Variants in FAH observed in about 807,000 individuals in gnomAD.
The protein encoded by FAH is fumarylacetoacetate hydrolase.
Under a neutral mutation model 55.8 loss-of-function variants are expected in FAH, and 47 were observed. The ratio of observed to expected loss-of-function variants is 0.84; its 90% CI spans 0.67 to 1.07. The LOEUF is 1.07. FAH is among the 50% of genes least tolerant of loss of function. The probability of loss-of-function intolerance (pLI) is 0.00; values close to 1 mark genes in which losing one functional copy is unlikely to be tolerated. For synonymous variants in FAH, 199 were observed against 207.7 expected (o/e 0.96, Z 0.36); for missense variants, 495 against 545.9 (o/e 0.91, Z 0.93).
At chr15:80,170,298 C>T (rs955446028) in intron 7 of FAH, among the ~76,000 whole-genome samples, 4 of 152,224 alleles carry the variant, frequency 2.6e-5, no homozygotes, top group African/African-American at 9.6e-5. Context: ...AGTGCCTCAT[C>T]ACTGATGGTG....
chr15:80,158,178 A>AAGTCGTTTCACAATGTCC lies in FAH; in HGVS notation c.192+8_192+9insAGTCGTTTCACAATGTCC. 2 of 1,592,712 alleles carry AAGTCGTTTCACAATGTCC rather than the reference A, an allele frequency of 1.3e-6. No homozygotes were observed. Among genetic ancestry groups the AAGTCGTTTCACAATGTCC allele is most frequent in the Non-Finnish European group, 1.7e-6 (2 of 1,160,392 alleles). On this transcript the variant is annotated intron_variant, in intron 2 of 13. Coordinates refer to ENST00000561421, the MANE Select transcript of FAH (RefSeq NM_000137.4). ...CAGGATGTCTTCAATCAGGTAGGACATTGTGAAACGACTTGTCCCTGACCT... is the reference window on the plus strand; with the variant it reads ...CAGGATGTCTTCAATCAGGTAGGACAAGTCGTTTCACAATGTCCTTGTGAAACGACTTGTCCCTGACCT...
chr15:80,169,295 A>G (rs2041220751), intron 7 of FAH, among the ~76,000 whole-genome samples: 1 of 151,986 alleles, frequency 6.6e-6, no homozygotes, highest in African/African-American at 2.4e-5. Context: ...GGGCAGGAGA[A>G]TCGCTTGAAC....
At position 80,173,001 on chromosome 15, in the gene FAH, C is replaced by A; in HGVS notation, c.707-13C>A. The A allele has an allele frequency of 6.2e-7, 1 of 1,614,204 alleles. No homozygotes were observed. The highest frequency in any genetic ancestry group is 8.5e-7 in the Non-Finnish European group (1 of 1,180,036). Reference sequence around the variant, plus strand: ...CAGCCTTTGTAAGTCCTGGCTGTGCCCTTCTTCTGCAGCACGAGACATTCA... The same window carrying A: ...CAGCCTTTGTAAGTCCTGGCTGTGCACTTCTTCTGCAGCACGAGACATTCA... On this transcript the variant is annotated splice_polypyrimidine_tract_variant and intron_variant, in intron 8 of 13. Transcript: ENST00000561421.
intron 11 of FAH, among the ~76,000 whole-genome samples, chr15:80,179,607 T>C (rs2041312689): frequency 1.3e-5 from 2 of 152,112 alleles, no homozygotes; most frequent in Non-Finnish European, 2.9e-5. Flanking sequence ...CCTCGCTCCT[T>C]GGCCTGCCCT....
chr15:80,186,276 C>T lies in FAH; in HGVS notation c.*67C>T. 1 of 1,331,222 alleles carries T rather than the reference C, an allele frequency of 7.5e-7. No individual in the cohort carries two copies. The highest frequency in any genetic ancestry group is 1.1e-6 in the Non-Finnish European group (1 of 922,178). The allele number at this position is 1,331,222 out of a possible 1,614,324, so 82.5% of individuals were successfully genotyped here. ...CTTTCAACCCTGTGACTGGGGTCCT[C>T]CCTCGGGCTGTAGGCCTGGTCCGCC... is the stretch of plus-strand genomic sequence containing the variant. On this transcript the variant is annotated 3_prime_UTR_variant, in exon 14 of 14. Coordinates refer to ENST00000561421, the MANE Select transcript of FAH (RefSeq NM_000137.4).
chr15:80,168,345 G>T, intron 7 of FAH, 29 bp downstream of exon 7: 1 of 1,609,378 alleles, frequency 6.2e-7, no homozygotes, highest in South Asian at 1.1e-5. Flanking sequence ...TTATTGCCAT[G>T]GGATCTATAG....
chr15:80,152,834 G>C, upstream of FAH: 1 of 533,726 alleles, frequency 1.9e-6, no homozygotes, highest in Non-Finnish European at 3.3e-6. Context: ...GAGCTGGCGG[G>C]GGTCAGGGTA....
At chr15:80,184,049 C>G (rs2041350988) in intron 13 of FAH, among the ~76,000 whole-genome samples, 1 of 152,166 alleles carries the variant, frequency 6.6e-6, no homozygotes, top group African/African-American at 2.4e-5. Flanking sequence ...AAAATATCAA[C>G]AAAAATCTCT....
At chr15:80,162,489 C>T (rs1291898380) in intron 5 of FAH, 153 bp downstream of exon 5, 4 of 725,028 alleles carry the variant, frequency 5.5e-6, no homozygotes, top group Non-Finnish European at 9.9e-6. Flanking sequence ...GTGGTCTCAG[C>T]TTCTGGTCTC....
chr15:80,167,396 C>T (rs1022393745), intron 5 of FAH, among the ~76,000 whole-genome samples: 3 of 152,140 alleles, frequency 2.0e-5, no homozygotes, highest in African/African-American at 7.2e-5. Context: ...TACATCTTCT[C>T]TTCTCTTCTG....
rs75733859 is a variant in FAH, at chr15:80,158,041, G to A, written c.82-19G>A. On this transcript the variant is annotated intron_variant, in intron 1 of 13. Coordinates refer to ENST00000561421, the MANE Select transcript of FAH (RefSeq NM_000137.4). The stretch of plus-strand genomic sequence containing the variant: ...GCCAGGGGCTTTTTCTGGTGCTGAC[G>A]GTGTCGTCTTCCTCCTAGCCAAGAC... 2.2e-3 allele frequency: 3,511 copies of A among 1,588,158 alleles called. 49 individuals are homozygous for A. In the African/African-American group the frequency reaches 0.028, roughly 13 times the overall value.
intron 13 of FAH, among the ~76,000 whole-genome samples, chr15:80,182,921 C>T (rs1595898369): frequency 2.0e-5 from 3 of 152,228 alleles, no homozygotes; most frequent in African/African-American, 4.8e-5. Flanking sequence ...AAAATGATGG[C>T]TTTAACTCTC....
intron 2 of FAH, 147 bp from the exon 3 acceptor site, chr15:80,159,609 A>G (rs1008664748): frequency 1.0e-6 from 1 of 954,462 alleles, no homozygotes; most frequent in Non-Finnish European, 1.7e-6. Flanking sequence ...TGAATAAATG[A>G]CAAAACTAAG....
chr15:80,154,894 A>G (rs1018822522), intron 1 of FAH, among the ~76,000 whole-genome samples: 5 of 152,250 alleles, frequency 3.3e-5, no homozygotes, highest in Admixed American at 6.5e-5. Flanking sequence ...ACGGGGTTGT[A>G]GTAGTGTGGA....
intron 8 of FAH, 65 bp downstream of exon 8, chr15:80,172,313 C>G: frequency 4.9e-6 from 6 of 1,231,012 alleles, no homozygotes; most frequent in Non-Finnish European, 7.2e-6. Context: ...GGGGCAATTT[C>G]ATAGAAGCTG....
chr15:80,155,098 T>A (rs2041087167), intron 1 of FAH, among the ~76,000 whole-genome samples: 1 of 152,190 alleles, frequency 6.6e-6, no homozygotes, highest in African/African-American at 2.4e-5. Context: ...TCTATATGCT[T>A]GGCCCCTTCT....
At position 80,154,898 on chromosome 15, in the gene FAH, G is replaced by C. The variant is rs573606006; in HGVS notation, c.81+1763G>C. On this transcript the variant is annotated intron_variant, in intron 1 of 13. Transcript: ENST00000561421. Reference sequence around the variant, plus strand: ...GGCCTCTGAGAACGGGGTTGTAGTAGTGTGGAGCTGGTTTTGCCGGGTGCC... The same window carrying C: ...GGCCTCTGAGAACGGGGTTGTAGTACTGTGGAGCTGGTTTTGCCGGGTGCC... 9.7e-4 allele frequency among the ~76,000 whole-genome samples: 148 copies of C among 152,294 alleles called. 1 individual carries two copies. The highest frequency in any genetic ancestry group is 3.4e-3 in the African/African-American group (141 of 41,536).
At chr15:80,165,563 C>T (rs1436403317) in intron 5 of FAH, among the ~76,000 whole-genome samples, 5 of 149,708 alleles carry the variant, frequency 3.3e-5, no homozygotes, top group East Asian at 3.9e-4. Context: ...GGTGTGGTGG[C>T]GGGCGCCTGT....
intron 9 of FAH, among the ~76,000 whole-genome samples, chr15:80,174,092 C>G (rs2041263205): frequency 1.3e-5 from 2 of 152,260 alleles, no homozygotes; most frequent in Admixed American, 1.3e-4. Flanking sequence ...CACCCTCATC[C>G]CTTGCTCTCT....
Sources: allele counts gnomAD v4.1 joint callset (sites outside exome capture counted in the v4.1 genomes callset), GRCh38; gene constraint gnomAD v4.1.1; transcripts MANE v1.5; gene names NCBI Gene and HGNC (gene_info 2026-07-23, HGNC 2026-07-21).